NHSL2: variants seen among roughly 807,000 people sequenced by gnomAD.
NHSL2 encodes NHS like 2, also known as NHS-like protein 2.
In NHSL2, 27 loss-of-function variants were observed where a neutral mutation model predicts 53.4. The ratio of observed to expected loss-of-function variants is 0.51; its 90% CI spans 0.37 to 0.70. The LOEUF is 0.70. Ranked by LOEUF, NHSL2 falls within the 30% of genes least tolerant of loss-of-function variation. The pLI is 0.00. For synonymous variants in NHSL2, 408 were observed against 404.1 expected (o/e 1.01, Z -0.12); for missense variants, 892 against 980.1 (o/e 0.91, Z 1.20).
intron 1 of NHSL2, among the ~76,000 whole-genome samples, chrX:71,975,685 T>C (rs1279789653): frequency 9.0e-6 from 1 of 110,817 alleles, no homozygotes; most frequent in Non-Finnish European, 1.9e-5. Flanking sequence ...AGCTCCTTCC[T>C]CATCACCATT....
intron 1 of NHSL2, chrX:72,130,224 C>T: frequency 8.3e-7 from 1 of 1,210,507 alleles, no homozygotes; most frequent in Non-Finnish European, 1.1e-6. Context: ...CTGGATCCTG[C>T]TGTGGCTCTC....
chrX:72,001,522 C>T (rs1439208067), intron 1 of NHSL2, among the ~76,000 whole-genome samples: 1 of 112,075 alleles, frequency 8.9e-6, no homozygotes, highest in Non-Finnish European at 1.9e-5. Context: ...TTCTCAGAAA[C>T]AGACTCTCTA....
In NHSL2 at chrX:72,139,357, C is replaced by G; in HGVS notation, c.1809C>G (p.Leu603=). ...PKDQRPKSLC[L]SLEHQGHHSS... is the part of the protein sequence containing the mutation. ...ACCAGAGGCCCAAGAGCCTTTGCCT[C>G]TCCTTGGAACATCAAGGACATCACT... The change falls in exon 6 of 8, where the codon CTC becomes CTG. Residue 603 remains leucine (L), a synonymous_variant. Transcript: ENST00000633930. 8.3e-7 allele frequency: 1 copy of G among 1,209,830 alleles called. No homozygotes were observed.
chrX:72,137,975 T>C (rs371919066), intron 5 of NHSL2, among the ~76,000 whole-genome samples: 3 of 111,504 alleles, frequency 2.7e-5, no homozygotes, highest in African/African-American at 9.8e-5. Context: ...CTAAAAGTGA[T>C]GGGTGCGAAC....
At chrX:72,025,674 C>A (rs969326984) in intron 1 of NHSL2, among the ~76,000 whole-genome samples, 2 of 112,180 alleles carry the variant, frequency 1.8e-5, no homozygotes, top group Non-Finnish European at 3.8e-5. Context: ...GCAAAGGACA[C>A]CTGAGTGGAA....
At chrX:71,927,283 C>T (rs1274750680) in intron 1 of NHSL2, among the ~76,000 whole-genome samples, 2 of 111,997 alleles carry the variant, frequency 1.8e-5, no homozygotes, top group African/African-American at 6.5e-5. Flanking sequence ...TGGGGTCAGG[C>T]TGTGAAAGTC....
intron 1 of NHSL2, among the ~76,000 whole-genome samples, chrX:71,959,944 C>T (rs1449708993): frequency 2.7e-5 from 3 of 111,726 alleles, no homozygotes; most frequent in African/African-American, 9.8e-5. Context: ...CATATGCTAA[C>T]TCTATGTTTA....
intron 1 of NHSL2, among the ~76,000 whole-genome samples, chrX:72,032,167 G>A (rs1207335195): frequency 2.7e-5 from 3 of 111,377 alleles, no homozygotes; most frequent in East Asian, 2.8e-4. Context: ...CAAGTTGGGC[G>A]GATCACCTGA....
intron 1 of NHSL2, among the ~76,000 whole-genome samples, chrX:72,113,475 G>T (rs1015761366): frequency 5.4e-5 from 6 of 111,897 alleles, no homozygotes; most frequent in Admixed American, 9.5e-5. Flanking sequence ...GAGACATAGG[G>T]TTTTATTAGA....
Position 72,130,178 on chromosome X carries a change from G to A in NHSL2, c.281-1901G>A, listed in dbSNP as rs1354735158. 5 of 1,210,468 alleles carry A rather than the reference G, an allele frequency of 4.1e-6. No homozygotes were observed. The Admixed American group carries it at 1.1e-4, about 26-fold the overall frequency. On this transcript the variant is annotated intron_variant, in intron 1 of 7. Transcript: ENST00000633930. The stretch of plus-strand genomic sequence containing the variant: ...TCATCATCTTGGGCCTCATCCAGTG[G>A]CTCCTCCTCCACCTCACCATAGGTC...
intron 1 of NHSL2, among the ~76,000 whole-genome samples, chrX:71,934,984 C>T (rs927921767): frequency 5.4e-5 from 6 of 111,357 alleles, no homozygotes; most frequent in Admixed American, 3.8e-4. Flanking sequence ...TGTTTTGTAA[C>T]AATATAACTG....
At chrX:72,050,828 G>A (rs1451501369) in intron 1 of NHSL2, among the ~76,000 whole-genome samples, 1 of 109,685 alleles carries the variant, frequency 9.1e-6, no homozygotes, top group African/African-American at 3.3e-5. Flanking sequence ...GGCAGAGATT[G>A]CAGTGAGCTG....
intron 1 of NHSL2, among the ~76,000 whole-genome samples, chrX:71,935,782 G>A (rs918353999): frequency 8.9e-6 from 1 of 112,251 alleles, no homozygotes; most frequent in Non-Finnish European, 1.9e-5. Context: ...GGCAGGGAGG[G>A]GTGAGCCTTA....
At chrX:71,928,291 T>G (rs1352895947) in intron 1 of NHSL2, among the ~76,000 whole-genome samples, 2 of 112,279 alleles carry the variant, frequency 1.8e-5, no homozygotes, top group Non-Finnish European at 3.8e-5. Context: ...AGCCATTATC[T>G]TAGGCTTGAT....
chrX:71,980,969 C>A (rs1163333864), intron 1 of NHSL2, among the ~76,000 whole-genome samples: 1 of 111,555 alleles, frequency 9.0e-6, no homozygotes, highest in Non-Finnish European at 1.9e-5. Context: ...AATCTACATG[C>A]AAAAATGAAT....
At chrX:72,035,926 C>T (rs1342880573) in intron 1 of NHSL2, among the ~76,000 whole-genome samples, 1 of 111,773 alleles carries the variant, frequency 8.9e-6, no homozygotes, top group African/African-American at 3.3e-5. Context: ...AGTATTACCA[C>T]CTGAGCTCCG....
chrX:72,024,870 A>G (rs1200891477), intron 1 of NHSL2, among the ~76,000 whole-genome samples: 1 of 112,482 alleles, frequency 8.9e-6, no homozygotes, highest in African/African-American at 3.2e-5. Context: ...AAGATACAGT[A>G]ATCAGTTTCC....
intron 1 of NHSL2, among the ~76,000 whole-genome samples, chrX:72,045,443 C>G (rs1487415811): frequency 9.0e-6 from 1 of 110,913 alleles, no homozygotes; most frequent in East Asian, 2.9e-4. Context: ...TGGCCCGACA[C>G]ACAGTGGCCA....
intron 1 of NHSL2, among the ~76,000 whole-genome samples, chrX:72,073,101 C>G (rs1034288761): frequency 8.9e-6 from 1 of 112,114 alleles, no homozygotes; most frequent in East Asian, 2.8e-4. Flanking sequence ...GCTTTTCAAA[C>G]GAAGAAGGGT....
Sources: allele counts gnomAD v4.1 joint callset (sites outside exome capture counted in the v4.1 genomes callset), GRCh38; gene constraint gnomAD v4.1.1; transcripts MANE v1.5; gene names NCBI Gene and HGNC (gene_info 2026-07-23, HGNC 2026-07-21).